Variants in TM2D2 observed in about 807,000 individuals in gnomAD.
The protein encoded by TM2D2 is TM2 domain containing 2.
TM2D2 carries 19 observed loss-of-function variants against 23.0 expected under a neutral mutation model. That is an observed-to-expected ratio of 0.82 (90% CI 0.58 to 1.21). The LOEUF (loss-of-function observed/expected upper bound fraction) is 1.21, where lower values mean the gene tolerates loss of function less well. Ranked by LOEUF, TM2D2 falls within the 50% of genes most tolerant of loss-of-function variation. TM2D2 has a pLI of 0.00. For synonymous variants in TM2D2, 120 were observed against 108.8 expected (o/e 1.10, Z -0.64); for missense variants, 246 against 265.4 (o/e 0.93, Z 0.51).
chr8:38,993,535 T>TA lies in TM2D2; in HGVS notation c.431+9dup. 1 of 1,599,252 alleles carries TA rather than the reference T, an allele frequency of 6.3e-7. No individual in the cohort carries two copies. Among genetic ancestry groups the TA allele is most frequent in the Non-Finnish European group, 8.6e-7 (1 of 1,167,484 alleles). ...CAAGTACCAACTACTCCAATCAAAG[T>TA]AACACTTACTTTATACAAGGTTTAT... is the stretch of plus-strand genomic sequence containing the variant. On this transcript the variant is annotated intron_variant, in intron 3 of 3. Coordinates refer to ENST00000456397, the MANE Select transcript of TM2D2 (RefSeq NM_078473.3).
chr8:38,993,641 C>G lies in TM2D2; in HGVS notation c.335G>C (p.Ser112Thr). The change falls in exon 3 of 4, where the codon AGC (serine) becomes ACC (threonine). Residue 112 changes from serine (S) to threonine (T), a missense_variant. By Grantham distance (58) the Ser-to-Thr change is moderately conservative (BLOSUM62 1). Coordinates refer to ENST00000456397, the MANE Select transcript of TM2D2 (RefSeq NM_078473.3). ...CTGGACTGAAGTGTGTTCCACGTCG[C>G]TGTAGGCCTGACCGCCGAACTGTGG... ...GCLKFGGQAY[S>T]DVEHTSVQCH... 6.2e-7 allele frequency: 1 copy of G among 1,613,606 alleles called. No homozygotes were observed. The highest frequency in any genetic ancestry group is 8.5e-7 in the Non-Finnish European group (1 of 1,179,634).
intron 2 of TM2D2, 64 bp downstream of exon 2, chr8:38,995,254 T>C: frequency 2.5e-6 from 3 of 1,179,582 alleles, no homozygotes; most frequent in Non-Finnish European, 3.6e-6. Flanking sequence ...TTTTATGTAA[T>C]AGCATTCAGA....
chr8:38,994,275 A>G (rs932863578), intron 2 of TM2D2, among the ~76,000 whole-genome samples: 1 of 152,196 alleles, frequency 6.6e-6, no homozygotes, highest in Non-Finnish European at 1.5e-5. Context: ...ACCATTGCTT[A>G]ACTGAATTCT....
At chr8:38,996,951 C>T (rs1004167249), upstream of TM2D2, 7 of 1,473,948 alleles carry the variant, frequency 4.7e-6, no homozygotes, top group African/African-American at 1.4e-5. Context: ...GCGTGCTCGT[C>T]GGGCGCGCGC....
chr8:38,993,922 C>T (rs1163623953), intron 2 of TM2D2: 8 of 266,352 alleles, frequency 3.0e-5, no homozygotes, highest in African/African-American at 4.4e-5. Flanking sequence ...AACCCCCAAA[C>T]ACACTCAGTG....
intron 1 of TM2D2, chr8:38,995,698 G>T: frequency 7.7e-7 from 1 of 1,306,978 alleles, no homozygotes; most frequent in Non-Finnish European, 9.7e-7. Context: ...AAGATTCTGG[G>T]GGCAAAATTT....
chr8:38,992,583 A>G (rs1245835252), intron 3 of TM2D2, among the ~76,000 whole-genome samples: 1 of 152,162 alleles, frequency 6.6e-6, no homozygotes, highest in Non-Finnish European at 1.5e-5. Flanking sequence ...TCTCAACAGA[A>G]TACTTGCTAA....
intron 3 of TM2D2, among the ~76,000 whole-genome samples, chr8:38,993,094 A>T (rs1381961327): frequency 6.6e-6 from 1 of 152,164 alleles, no homozygotes; most frequent in Non-Finnish European, 1.5e-5. Context: ...TTGGGGCTAG[A>T]TCATCTGGCC....
chr8:38,993,751 G>A (rs1302007733), intron 2 of TM2D2, 91 bp from the exon 3 acceptor site: 7 of 926,282 alleles, frequency 7.6e-6, no homozygotes, highest in African/African-American at 5.0e-5. Flanking sequence ...GAATGAAAGC[G>A]GCCTCAGGAC....
chr8:38,996,391 C>T lies in TM2D2; in HGVS notation c.49G>A (p.Ala17Thr), dbSNP rs1475151467. Residue 17 changes from alanine (A) to threonine (T), a missense_variant, in exon 1 of 4, where the codon GCG (alanine) becomes ACG (threonine). This residue lies in a region of TM2D2 where 212 missense variants were observed against 202.2 expected (regional missense o/e 1.05). Coordinates refer to ENST00000456397, the MANE Select transcript of TM2D2 (RefSeq NM_078473.3). ...AGTAAATTCCCCAGCAGCAAAGCCG[C>T]CTGGCCGCACAGAAGTAAGTAACTA... ...PVSYLLLCGQ[A>T]ALLLGNLLLL... The T allele has an allele frequency of 6.2e-7, 1 of 1,614,232 alleles. No homozygotes were observed. Among genetic ancestry groups the T allele is most frequent in the Non-Finnish European group, 8.5e-7 (1 of 1,180,040 alleles).
intron 3 of TM2D2, among the ~76,000 whole-genome samples, chr8:38,992,900 T>A (rs1835646452): frequency 6.6e-6 from 1 of 152,234 alleles, no homozygotes; most frequent in South Asian, 2.1e-4. Context: ...GCAGTTACCC[T>A]AATATTACTA....
In TM2D2 at chr8:38,990,120, T is replaced by C. The variant is rs1835560667; in HGVS notation, c.*1212A>G. On this transcript the variant is annotated 3_prime_UTR_variant, in exon 4 of 4. Transcript: ENST00000456397. ...TACAGAAAATTGCCACCTTTAATAATGTAAAAACAGTGATTAATCAGGAAT... is the reference window on the plus strand; with the variant it reads ...TACAGAAAATTGCCACCTTTAATAACGTAAAAACAGTGATTAATCAGGAAT... 2 of 152,318 alleles carry C rather than the reference T, an allele frequency of 1.3e-5. No homozygotes were observed. Among genetic ancestry groups the C allele is most frequent in the African/African-American group, 2.4e-5 (1 of 41,580 alleles). The allele number at this position is 152,318 out of a possible 1,614,324, so 9.4% of individuals were successfully genotyped here.
chr8:38,992,306 A>G (rs1224397155), intron 3 of TM2D2, among the ~76,000 whole-genome samples: 1 of 136,794 alleles, frequency 7.3e-6, no homozygotes, highest in East Asian at 2.0e-4. Context: ...TTTCTACCAA[A>G]AAAAAAAAAA....
chr8:38,993,568 T>TA lies in TM2D2; in HGVS notation c.407dup (p.Arg137ThrfsTer4). On this transcript the variant is annotated frameshift_variant, in exon 3 of 4. Coordinates refer to ENST00000456397, the MANE Select transcript of TM2D2 (RefSeq NM_078473.3). LOFTEE classifies it high-confidence loss of function. ...ACTTTATACAAGGTTTATTTTCTCG[T>TA]AGAAAGGTCCTAGGACTGGCACACT... is the stretch of plus-strand genomic sequence containing the variant. 6.2e-7 allele frequency: 1 copy of TA among 1,613,536 alleles called. No individual in the cohort carries two copies. Among genetic ancestry groups the TA allele is most frequent in the South Asian group, 1.1e-5 (1 of 91,072 alleles).
chr8:38,995,299 C>T lies in TM2D2; in HGVS notation c.315+19G>A, dbSNP rs565548859. The T allele has an allele frequency of 4.5e-6, 7 of 1,549,986 alleles. No individual in the cohort carries two copies. Among genetic ancestry groups the T allele is most frequent in the East Asian group, 2.3e-5 (1 of 43,374 alleles). On this transcript the variant is annotated intron_variant, in intron 2 of 3. Transcript: ENST00000456397. Reference sequence around the variant, plus strand: ...TTCGTTATCGAAGGGTTTGCTCTTACGACAAAACAAAAACTCACCTTGAGA... The same window carrying T: ...TTCGTTATCGAAGGGTTTGCTCTTATGACAAAACAAAAACTCACCTTGAGA...
chr8:38,993,800 A>G, intron 2 of TM2D2, 140 bp from the exon 3 acceptor site: 1 of 532,252 alleles, frequency 1.9e-6, no homozygotes. Context: ...AGCTGTGCTC[A>G]AGGGCAAGGA....
At chr8:38,994,465 A>C (rs887712819) in intron 2 of TM2D2, among the ~76,000 whole-genome samples, 1 of 152,220 alleles carries the variant, frequency 6.6e-6, no homozygotes, top group Non-Finnish European at 1.5e-5. Flanking sequence ...TCAAACTTTA[A>C]TCAATAATTA....
chr8:38,991,563 A>G lies in TM2D2; in HGVS notation c.432-18T>C. On this transcript the variant is annotated intron_variant, in intron 3 of 3. Coordinates refer to ENST00000456397, the MANE Select transcript of TM2D2 (RefSeq NM_078473.3). Reference sequence around the variant, plus strand: ...CGGTATACCTAGGTGAAAGGAATGAAAAGGAAGATGTTTTACTGCACGAAA... The same window carrying G: ...CGGTATACCTAGGTGAAAGGAATGAGAAGGAAGATGTTTTACTGCACGAAA... The G allele has an allele frequency of 1.3e-6, 2 of 1,588,418 alleles. No homozygotes were observed. Among genetic ancestry groups the G allele is most frequent in the Non-Finnish European group, 1.7e-6 (2 of 1,156,940 alleles).
chr8:38,996,841 A>C, upstream of TM2D2: 2 of 1,441,026 alleles, frequency 1.4e-6, no homozygotes, highest in East Asian at 5.1e-5. Context: ...CGCGCCGGGG[A>C]CTGGATTTTT....
Sources: gnomAD v4.1 joint callset for allele counts (sites outside exome capture counted in the v4.1 genomes callset) on GRCh38, gnomAD v4.1.1 for gene constraint, gnomAD v4.1.1 regional missense constraint, MANE v1.5 for transcripts, NCBI Gene and HGNC (gene_info 2026-07-23, HGNC 2026-07-21) for gene names.